Variants in EFNA5 observed in about 807,000 individuals in gnomAD.
EFNA5 encodes the protein ephrin A5, also known as ephrin-A5.
Under a neutral mutation model 22.9 loss-of-function variants are expected in EFNA5, and 5 were observed. The ratio of observed to expected loss-of-function variants is 0.22; its 90% CI spans 0.11 to 0.46. EFNA5 has a LOEUF of 0.46. EFNA5 is among the 20% of genes least tolerant of loss of function. The pLI is 0.99. For synonymous variants in EFNA5, 113 were observed against 112.2 expected (o/e 1.01, Z -0.04); for missense variants, 237 against 293.3 (o/e 0.81, Z 1.40).
chr5:107,469,104 G>T (rs1750068443), intron 1 of EFNA5, among the ~76,000 whole-genome samples: 1 of 152,090 alleles, frequency 6.6e-6, no homozygotes, highest in South Asian at 2.1e-4. Context: ...GGGGCCCCTT[G>T]TTAAAACATT....
At chr5:107,583,702 G>T (rs1465329628) in intron 1 of EFNA5, among the ~76,000 whole-genome samples, 1 of 152,172 alleles carries the variant, frequency 6.6e-6, no homozygotes, top group African/African-American at 2.4e-5. Flanking sequence ...GGGAAAATTG[G>T]TTTATACCTC....
At chr5:107,400,787 CTA>C (rs1748062049) in intron 2 of EFNA5, among the ~76,000 whole-genome samples, 1 of 152,236 alleles carries the variant, frequency 6.6e-6, no homozygotes, top group Admixed American at 6.5e-5. Context: ...GATTGATTTG[CTA>C]TGTTTTTCAC....
In EFNA5 at chr5:107,383,597, T is replaced by C. The variant is rs1242123532; in HGVS notation, c.566-2221A>G. Among the ~76,000 whole-genome samples the C allele has an allele frequency of 2.0e-5, 3 of 152,202 alleles. No homozygotes were observed. The East Asian group carries it at 5.8e-4, about 29-fold the overall frequency. On this transcript the variant is annotated intron_variant, in intron 4 of 4. Coordinates refer to ENST00000333274, the MANE Select transcript of EFNA5 (RefSeq NM_001962.3). ...ACATACTTAAACACCTGAAATTGCA[T>C]CAGCTATTGGATTCCTCTCCATCTT...
At chr5:107,420,541 GAA>G (rs796180925) in intron 2 of EFNA5, among the ~76,000 whole-genome samples, 2 of 114,704 alleles carry the variant, frequency 1.7e-5, no homozygotes, top group African/African-American at 6.5e-5. Flanking sequence ...AAAAAAAAAA[GAA>G]AAAAAAAAAA....
intron 2 of EFNA5, among the ~76,000 whole-genome samples, chr5:107,391,343 T>G (rs1747790922): frequency 6.6e-6 from 1 of 152,112 alleles, no homozygotes; most frequent in African/African-American, 2.4e-5. Context: ...GAGGTTTACA[T>G]GAAGAGCCAG....
intron 1 of EFNA5, among the ~76,000 whole-genome samples, chr5:107,635,706 G>A (rs1289822470): frequency 6.6e-6 from 1 of 152,316 alleles, no homozygotes; most frequent in Non-Finnish European, 1.5e-5. Flanking sequence ...GTAACAGACA[G>A]CCTCACAGTG....
At chr5:107,660,767 C>T (rs1400519472) in intron 1 of EFNA5, among the ~76,000 whole-genome samples, 6 of 152,264 alleles carry the variant, frequency 3.9e-5, no homozygotes, top group Non-Finnish European at 1.5e-5. Flanking sequence ...GGTCCCTTCT[C>T]TCCTTATTAA....
rs1317656199 is a variant in EFNA5 at position 107,568,406 on chromosome 5, C to T, written c.125+102083G>A. On this transcript the variant is annotated intron_variant, in intron 1 of 4. Transcript: ENST00000333274. ...GAGAGACAGTTAGACCAGGGAGAAGCCTGGCAATTCCTACAGAGAGGACAT... is the reference window on the plus strand; with the variant it reads ...GAGAGACAGTTAGACCAGGGAGAAGTCTGGCAATTCCTACAGAGAGGACAT... Among the ~76,000 whole-genome samples, 8 of 152,274 alleles carry T rather than the reference C, an allele frequency of 5.3e-5. No individual in the cohort carries two copies. The East Asian group carries it at 1.5e-3, about 29-fold the overall frequency.
chr5:107,647,524 T>G (rs1242679050), intron 1 of EFNA5, among the ~76,000 whole-genome samples: 1 of 152,026 alleles, frequency 6.6e-6, no homozygotes, highest in Non-Finnish European at 1.5e-5. Context: ...AAATTTAAGA[T>G]TACAGAATTA....
At chr5:107,408,169 G>GCACACA (rs111307720) in intron 2 of EFNA5, among the ~76,000 whole-genome samples, 4,347 of 149,082 alleles carry the variant, frequency 0.029, 91 homozygotes, top group African/African-American at 0.055. Context: ...GCAAAACAAC[G>GCACACA]CACACACACA....
chr5:107,565,376 C>A (rs1296413222), intron 1 of EFNA5, among the ~76,000 whole-genome samples: 1 of 152,174 alleles, frequency 6.6e-6, no homozygotes, highest in Non-Finnish European at 1.5e-5. Flanking sequence ...TATTTCATCT[C>A]TGTTTATGTT....
At chr5:107,513,556 G>A (rs145808017) in intron 1 of EFNA5, among the ~76,000 whole-genome samples, 69 of 152,158 alleles carry the variant, frequency 4.5e-4, no homozygotes, top group Non-Finnish European at 9.0e-4. Context: ...TACCTGAATG[G>A]CCCCAGCAGA....
intron 1 of EFNA5, among the ~76,000 whole-genome samples, chr5:107,437,199 T>C (rs1749132785): frequency 6.6e-6 from 1 of 152,244 alleles, no homozygotes; most frequent in South Asian, 2.1e-4. Context: ...ATGGGTTTTA[T>C]GGCTTTCTTT....
chr5:107,547,478 G>C (rs1184023329), intron 1 of EFNA5, among the ~76,000 whole-genome samples: 1 of 151,822 alleles, frequency 6.6e-6, no homozygotes, highest in East Asian at 1.9e-4. Flanking sequence ...CTCTTGGTTA[G>C]GAATTTCTGG....
chr5:107,409,245 C>G (rs959127885), intron 2 of EFNA5, among the ~76,000 whole-genome samples: 1 of 152,226 alleles, frequency 6.6e-6, no homozygotes, highest in East Asian at 1.9e-4. Flanking sequence ...GAAGCACCTA[C>G]ATTTCCACAT....
In EFNA5 at chr5:107,511,025, T is replaced by TGTGA. The variant is rs575407846; in HGVS notation, c.126-83517_126-83516insTCAC. 2.6e-4 allele frequency among the ~76,000 whole-genome samples: 40 copies of TGTGA among 151,540 alleles called. No individual in the cohort carries two copies. The South Asian group carries it at 7.9e-3, about 30-fold the overall frequency. ...CTTTGTGTGTGTGTGTGTGTGTGTG[T>TGTGA]GTGTGTGTGTGTGTGTGAGACGGAG... On this transcript the variant is annotated intron_variant, in intron 1 of 4. Transcript: ENST00000333274.
At chr5:107,411,638 C>A (rs998228904) in intron 2 of EFNA5, among the ~76,000 whole-genome samples, 1 of 152,204 alleles carries the variant, frequency 6.6e-6, no homozygotes, top group Non-Finnish European at 1.5e-5. Flanking sequence ...AAGGAAAAGT[C>A]TCTCTTTTTG....
At chr5:107,561,295 G>C (rs904212417) in intron 1 of EFNA5, among the ~76,000 whole-genome samples, 1 of 152,128 alleles carries the variant, frequency 6.6e-6, no homozygotes, top group Non-Finnish European at 1.5e-5. Context: ...AATAAACTCT[G>C]CTATGCTACC....
intron 1 of EFNA5, among the ~76,000 whole-genome samples, chr5:107,659,435 A>G (rs1252641096): frequency 1.3e-5 from 2 of 151,676 alleles, no homozygotes; most frequent in Non-Finnish European, 1.5e-5. Context: ...AATAGCTTTA[A>G]GGTCTTCCCT....
Sources: gnomAD v4.1 joint callset for allele counts (sites outside exome capture counted in the v4.1 genomes callset) on GRCh38, gnomAD v4.1.1 for gene constraint, MANE v1.5 for transcripts, NCBI Gene and HGNC (gene_info 2026-07-23, HGNC 2026-07-21) for gene names.